The following CARMIL1 variants were observed in gnomAD, a reference collection of about 807,000 sequenced individuals.
CARMIL1 encodes capping protein regulator and myosin 1 linker 1.
In CARMIL1, 90 loss-of-function variants were observed where a neutral mutation model predicts 177.1. That is an observed-to-expected ratio of 0.51 (90% CI 0.43 to 0.61). The LOEUF (loss-of-function observed/expected upper bound fraction) is 0.61. CARMIL1 is among the 20% of genes least tolerant of loss of function. CARMIL1 has a pLI of 0.00. For synonymous variants in CARMIL1, 577 were observed against 606.2 expected, an observed-to-expected ratio of 0.95 and a Z score of 0.71; for missense variants, 1,380 against 1,667.0, an observed-to-expected ratio of 0.83 and a Z score of 3.00.
At chr6:25,392,156 G>C (rs866394244) in intron 2 of CARMIL1, among the ~76,000 whole-genome samples, 3 of 150,552 alleles carry the variant, frequency 2.0e-5, no homozygotes, top group African/African-American at 7.3e-5. Flanking sequence ...TTGCTAACCT[G>C]GTATATATGA....
At chr6:25,589,021 T>C (rs990251976) in intron 31 of CARMIL1, among the ~76,000 whole-genome samples, 1 of 152,198 alleles carries the variant, frequency 6.6e-6, no homozygotes, top group East Asian at 1.9e-4. Flanking sequence ...GACTAACTCC[T>C]GGGTAATAGG....
rs188058394 is a variant in CARMIL1, at chr6:25,515,332, G to C, written c.1633-343G>C. On this transcript the variant is annotated intron_variant, in intron 20 of 36. Transcript: ENST00000329474. This position sits in a 1 kb window ranked among gnomAD's most constrained non-coding sequence, Gnocchi z 5.0. The stretch of plus-strand genomic sequence containing the variant: ...GTATAAAAATAAAATGGGTATAAAG[G>C]GTGATCATATTAAGCTGAGAAATTT... Among the ~76,000 whole-genome samples the C allele has an allele frequency of 5.3e-5, 8 of 149,724 alleles. No homozygotes were observed. Among genetic ancestry groups the C allele is most frequent in the African/African-American group, 2.0e-4 (8 of 40,480 alleles).
At chr6:25,339,690 C>T (rs1160405765) in intron 2 of CARMIL1, among the ~76,000 whole-genome samples, 2 of 152,176 alleles carry the variant, frequency 1.3e-5, no homozygotes, top group African/African-American at 4.8e-5. Flanking sequence ...TTGCCTCTGG[C>T]TGGGCAGTGG....
At chr6:25,362,353 T>G (rs934893948) in intron 2 of CARMIL1, among the ~76,000 whole-genome samples, 9 of 152,196 alleles carry the variant, frequency 5.9e-5, no homozygotes, top group Admixed American at 5.9e-4. Context: ...CAGCAAACAT[T>G]TATCGAAGAC....
chr6:25,346,188 G>A (rs190047299), intron 2 of CARMIL1, among the ~76,000 whole-genome samples: 130 of 152,096 alleles, frequency 8.5e-4, no homozygotes, highest in African/African-American at 2.8e-3. Context: ...TGTTTACCGT[G>A]ACTGACAAGC....
At chr6:25,369,374 ATTTTGTT>A (rs1241429426) in intron 2 of CARMIL1, among the ~76,000 whole-genome samples, 2 of 96,008 alleles carry the variant, frequency 2.1e-5, no homozygotes, top group Non-Finnish European at 4.3e-5. Context: ...GCAATGCTGT[ATTTTGTT>A]TTTTTTTTTT....
chr6:25,489,676 C>T (rs1185628104), intron 13 of CARMIL1, among the ~76,000 whole-genome samples: 1 of 152,100 alleles, frequency 6.6e-6, no homozygotes, highest in East Asian at 1.9e-4. Flanking sequence ...TCTTATTTCT[C>T]TTGTTTTGGT....
At chr6:25,517,260 C>T (rs1806092682) in intron 21 of CARMIL1, 87 bp from the exon 22 acceptor site, 2 of 919,426 alleles carry the variant, frequency 2.2e-6, no homozygotes, top group Non-Finnish European at 1.8e-6. Flanking sequence ...AATATCTACA[C>T]ACTGCTGTCT....
At chr6:25,287,332 T>G (rs1781593361) in intron 2 of CARMIL1, 1 of 152,250 alleles carries the variant, frequency 6.6e-6, no homozygotes, top group Non-Finnish European at 1.5e-5. Flanking sequence ...TCTTTCTTCT[T>G]ACACTTGAGA....
At chr6:25,329,929 A>G (rs1785457235) in intron 2 of CARMIL1, among the ~76,000 whole-genome samples, 1 of 152,222 alleles carries the variant, frequency 6.6e-6, no homozygotes, top group Non-Finnish European at 1.5e-5. Context: ...CTCTGATATG[A>G]GTTGTTTAAT....
At position 25,363,372 on chromosome 6, in the gene CARMIL1, C is replaced by T. The variant is rs555552775; in HGVS notation, c.139-56742C>T. ...TAGTGTTCCATGGAGAACACTGTGA[C>T]AAAGGCTGTTCTACACCACGGAAGA... On this transcript the variant is annotated intron_variant, in intron 2 of 36. Coordinates refer to ENST00000329474, the MANE Select transcript of CARMIL1 (RefSeq NM_017640.6). Among the ~76,000 whole-genome samples, 264 of 149,462 alleles carry T rather than the reference C, an allele frequency of 1.8e-3. 2 individuals carry two copies. Among genetic ancestry groups the T allele is most frequent in the Non-Finnish European group, 1.9e-3 (131 of 67,254 alleles).
intron 2 of CARMIL1, among the ~76,000 whole-genome samples, chr6:25,353,986 A>T (rs1474477632): frequency 1.3e-5 from 2 of 152,210 alleles, no homozygotes; most frequent in Non-Finnish European, 2.9e-5. Context: ...TGCTACTGGC[A>T]TCTATGGGGT....
chr6:25,559,148 C>G (rs1810894528), intron 29 of CARMIL1, among the ~76,000 whole-genome samples: 2 of 152,142 alleles, frequency 1.3e-5, no homozygotes, highest in Admixed American at 6.5e-5. Flanking sequence ...GCAAGGATCC[C>G]TCTCCTAAAG....
chr6:25,587,001 A>G (rs1813808370), intron 31 of CARMIL1, among the ~76,000 whole-genome samples: 1 of 132,198 alleles, frequency 7.6e-6, no homozygotes, highest in Non-Finnish European at 1.6e-5. Flanking sequence ...GACCGTGGAG[A>G]CAGAGGGAGA....
chr6:25,500,987 C>T (rs1278024899), intron 17 of CARMIL1, among the ~76,000 whole-genome samples: 2 of 151,924 alleles, frequency 1.3e-5, no homozygotes, highest in African/African-American at 2.4e-5. Context: ...TGGTCTGGAT[C>T]TCCTGACCTC....
At chr6:25,536,056 T>G (rs1263944739) in intron 24 of CARMIL1, among the ~76,000 whole-genome samples, 1 of 152,198 alleles carries the variant, frequency 6.6e-6, no homozygotes, top group Non-Finnish European at 1.5e-5. Context: ...CTCTTTGTTC[T>G]CTCGTGGTGA....
At chr6:25,431,847 A>G (rs1796818319) in intron 4 of CARMIL1, among the ~76,000 whole-genome samples, 2 of 152,040 alleles carry the variant, frequency 1.3e-5, no homozygotes. Flanking sequence ...TAGCTTTACA[A>G]CAGTGCTTCA....
At chr6:25,528,968 C>G in intron 24 of CARMIL1, 75 bp downstream of exon 24, 5 of 1,128,320 alleles carry the variant, frequency 4.4e-6, no homozygotes, top group Non-Finnish European at 6.4e-6. Context: ...TTCTAGCATT[C>G]GAGTAATTTC....
At chr6:25,458,782 C>T (rs923410594) in intron 8 of CARMIL1, among the ~76,000 whole-genome samples, 1 of 152,140 alleles carries the variant, frequency 6.6e-6, no homozygotes, top group African/African-American at 2.4e-5. Context: ...TTTCAAACTT[C>T]CCTGTGCCTT....
Sources: gnomAD v4.1 joint callset for allele counts (sites outside exome capture counted in the v4.1 genomes callset) on GRCh38, gnomAD v4.1.1 for gene constraint, Gnocchi (gnomAD v3.1) non-coding constraint, MANE v1.5 for transcripts, NCBI Gene and HGNC (gene_info 2026-07-23, HGNC 2026-07-21) for gene names.